ATRN: variants seen among roughly 807,000 people sequenced by gnomAD.
ATRN encodes attractin, also known as attractin-2.
ATRN carries 54 observed loss-of-function variants against 178.7 expected under a neutral mutation model. The ratio of observed to expected loss-of-function variants is 0.30; its 90% CI spans 0.24 to 0.38. The LOEUF is 0.38. ATRN is among the 10% of genes least tolerant of loss of function. ATRN has a pLI of 1.00. For missense variants in ATRN, 1,443 were observed against 1,815.1 expected, an observed-to-expected ratio of 0.79 and a Z score of 3.73; for synonymous variants, 636 against 663.0, an observed-to-expected ratio of 0.96 and a Z score of 0.63.
intron 15 of ATRN, 108 bp from the exon 16 acceptor site, chr20:3,582,027 C>A: frequency 2.0e-6 from 2 of 1,017,790 alleles, no homozygotes; most frequent in Non-Finnish European, 1.5e-6. Flanking sequence ...ATCACTTGAG[C>A]TCAGGAGTTT....
At chr20:3,550,933 T>A (rs1013372519) in intron 6 of ATRN, among the ~76,000 whole-genome samples, 1 of 152,178 alleles carries the variant, frequency 6.6e-6, no homozygotes, top group Non-Finnish European at 1.5e-5. Context: ...TTAGACTGTG[T>A]CATTATCAAT....
intron 1 of ATRN, among the ~76,000 whole-genome samples, chr20:3,483,289 T>A (rs2084646432): frequency 6.6e-6 from 1 of 152,250 alleles, no homozygotes; most frequent in Admixed American, 6.5e-5. Flanking sequence ...ACTTACCCAT[T>A]TTCCTGCTGA....
At chr20:3,622,164 A>C (rs930832844) in intron 24 of ATRN, among the ~76,000 whole-genome samples, 3 of 152,214 alleles carry the variant, frequency 2.0e-5, no homozygotes, top group African/African-American at 7.2e-5. Flanking sequence ...TCCATCATGG[A>C]GTCCTTCACT....
At chr20:3,490,122 A>T (rs1241759939) in intron 1 of ATRN, 2 of 1,479,308 alleles carry the variant, frequency 1.4e-6, no homozygotes, top group African/African-American at 2.8e-5. Flanking sequence ...TTTGGCAAAC[A>T]AAGAGTTATC....
chr20:3,490,237 G>A lies in ATRN; in HGVS notation c.410+18720G>A, dbSNP rs755320083. On this transcript the variant is annotated intron_variant, in intron 1 of 28. Coordinates refer to ENST00000262919, the MANE Select transcript of ATRN (RefSeq NM_139321.3). ...AAGCTAAGAGAGCAGATTTCAATCTGTCCAAACCCAGAGAGGCCAACTCCT... is the reference window on the plus strand; with the variant it reads ...AAGCTAAGAGAGCAGATTTCAATCTATCCAAACCCAGAGAGGCCAACTCCT... 16 of 1,512,654 alleles carry A rather than the reference G, an allele frequency of 1.1e-5. No homozygotes were observed. The South Asian group carries it at 1.5e-4, about 14-fold the overall frequency. The allele number at this position is 1,512,654 out of a possible 1,614,324, so 93.7% of individuals were successfully genotyped here.
chr20:3,490,677 A>C, intron 1 of ATRN: 1 of 823,184 alleles, frequency 1.2e-6, no homozygotes, highest in Admixed American at 1.7e-5. Flanking sequence ...CTGAGCCTTC[A>C]GGAGCTCCTC....
At chr20:3,561,009 T>A (rs984474981) in intron 8 of ATRN, 104 bp downstream of exon 8, 66 of 1,395,510 alleles carry the variant, frequency 4.7e-5, no homozygotes, top group Non-Finnish European at 8.9e-6. Context: ...CTTGATTCGG[T>A]ACTTTATCTT....
chr20:3,562,316 T>C lies in ATRN; in HGVS notation c.1488T>C (p.Leu496=). 1 of 1,613,996 alleles carries C rather than the reference T, an allele frequency of 6.2e-7. No individual in the cohort carries two copies. The highest frequency in any genetic ancestry group is 8.5e-7 in the Non-Finnish European group (1 of 1,179,944). ...TWSILHTQGA[L]VQGGYGHSSV... ...GTATATTACACACCCAGGGTGCCCT[T>C]GTGCAAGGGGGTTACGGCCATAGCA... The change falls in exon 9 of 29, where the codon CTT becomes CTC. Residue 496 remains leucine (L), a synonymous_variant. Coordinates refer to ENST00000262919, the MANE Select transcript of ATRN (RefSeq NM_139321.3).
intron 13 of ATRN, among the ~76,000 whole-genome samples, chr20:3,576,363 G>A (rs2086208810): frequency 6.6e-6 from 1 of 152,094 alleles, no homozygotes; most frequent in Non-Finnish European, 1.5e-5. Flanking sequence ...ATCTTGGTTT[G>A]GCATAATCTC....
chr20:3,578,275 A>G (rs2086237982), intron 14 of ATRN, among the ~76,000 whole-genome samples: 1 of 152,170 alleles, frequency 6.6e-6, no homozygotes, highest in Non-Finnish European at 1.5e-5. Flanking sequence ...TAGTTTTCTA[A>G]TTGTTCTTCA....
chr20:3,485,132 T>G (rs1440225149), intron 1 of ATRN, among the ~76,000 whole-genome samples: 1 of 151,974 alleles, frequency 6.6e-6, no homozygotes, highest in Non-Finnish European at 1.5e-5. Flanking sequence ...ACCATCATGG[T>G]GATGGCAGAA....
chr20:3,576,675 A>ATCTGTCTG (rs1229001451), intron 13 of ATRN, among the ~76,000 whole-genome samples, 184 bp from the exon 14 acceptor site: 60 of 58,594 alleles, frequency 1.0e-3, no homozygotes, highest in African/African-American at 2.5e-3. Context: ...CAACTTATCT[A>ATCTGTCTG]TCTATCTGTC....
At chr20:3,552,433 C>G (rs1600100155) in intron 6 of ATRN, among the ~76,000 whole-genome samples, 1 of 56,408 alleles carries the variant, frequency 1.8e-5, no homozygotes, top group East Asian at 7.7e-3. Context: ...CCCCAGATGT[C>G]CCCCCCAGTT....
At chr20:3,634,039 G>T (rs947039491) in intron 25 of ATRN, among the ~76,000 whole-genome samples, 32 of 152,130 alleles carry the variant, frequency 2.1e-4, no homozygotes, top group African/African-American at 7.2e-4. Flanking sequence ...GCCACTGTGG[G>T]CCATTCTGAT....
Position 3,594,221 on chromosome 20 carries a change from C to T in ATRN, c.3323-258C>T, listed in dbSNP as rs922778629. On this transcript the variant is annotated intron_variant, in intron 19 of 28. Transcript: ENST00000262919. The stretch of plus-strand genomic sequence containing the variant: ...GAAAAAGAGAGTCTATTGAAAAGAT[C>T]AAAATAGTCATTGCTTCAGAAGGCA... Among the ~76,000 whole-genome samples the T allele has an allele frequency of 3.9e-5, 6 of 152,202 alleles. No individual in the cohort carries two copies. The East Asian group carries it at 1.2e-3, about 29-fold the overall frequency.
intron 14 of ATRN, among the ~76,000 whole-genome samples, chr20:3,577,539 T>C (rs2086229013): frequency 6.6e-6 from 1 of 152,138 alleles, no homozygotes; most frequent in Non-Finnish European, 1.5e-5. Flanking sequence ...AGCCATGTGA[T>C]ATATTTGGAC....
intron 23 of ATRN, among the ~76,000 whole-genome samples, chr20:3,602,917 T>C (rs1302250416): frequency 7.6e-6 from 1 of 130,746 alleles, no homozygotes; most frequent in African/African-American, 3.1e-5. Flanking sequence ...GACCCAAGAT[T>C]GCATCATTGC....
In ATRN at chr20:3,549,067, A is replaced by G; in HGVS notation, c.944-103A>G. On this transcript the variant is annotated intron_variant, in intron 5 of 28. Coordinates refer to ENST00000262919, the MANE Select transcript of ATRN (RefSeq NM_139321.3). ...GTCTGATATTTAAATGCTAAAGGAA[A>G]GACTATTATTTAAATATTTGTTACA... 5.2e-6 allele frequency: 5 copies of G among 962,988 alleles called. No homozygotes were observed. The South Asian group carries it at 8.9e-5, about 17-fold the overall frequency. 59.7% of individuals were successfully genotyped at this position (962,988 alleles called of 1,614,324 possible).
At position 3,471,467 on chromosome 20, in the gene ATRN, C is replaced by T; in HGVS notation, c.360C>T (p.Cys120=). 1 of 1,415,478 alleles carries T rather than the reference C, an allele frequency of 7.1e-7. No homozygotes were observed. The highest frequency in any genetic ancestry group is 9.1e-7 in the Non-Finnish European group (1 of 1,093,442). The allele number at this position is 1,415,478 out of a possible 1,614,324, so 87.7% of individuals were successfully genotyped here. A position where few individuals can be genotyped will look rare whatever the true frequency, so the allele number is the denominator to read the frequency against. The part of the protein sequence containing the change: ...RCNPGTGQCV[C]PAGWVGEQCQ... Reference sequence around the variant, plus strand: ...ACCCTGGCACCGGCCAGTGCGTCTGCCCCGCCGGCTGGGTGGGCGAGCAAT... The same window carrying T: ...ACCCTGGCACCGGCCAGTGCGTCTGTCCCGCCGGCTGGGTGGGCGAGCAAT... The change falls in exon 1 of 29, where the codon TGC becomes TGT. Residue 120 remains cysteine (C), a synonymous_variant. Coordinates refer to ENST00000262919, the MANE Select transcript of ATRN (RefSeq NM_139321.3).
Sources: gnomAD v4.1 joint callset for allele counts (sites outside exome capture counted in the v4.1 genomes callset) on GRCh38, gnomAD v4.1.1 for gene constraint, MANE v1.5 for transcripts, NCBI Gene and HGNC (gene_info 2026-07-23, HGNC 2026-07-21) for gene names.